The following SUGCT variants were observed in gnomAD, a reference collection of about 807,000 sequenced individuals.
SUGCT encodes succinyl-CoA:glutarate CoA-transferase.
SUGCT carries 41 observed loss-of-function variants against 55.0 expected under a neutral mutation model. The observed-to-expected ratio is 0.74, with a 90% CI of 0.58 to 0.97. The LOEUF (loss-of-function observed/expected upper bound fraction) is 0.97, where lower values mean the gene tolerates loss of function less well. SUGCT is among the 50% of genes least tolerant of loss of function. The pLI is 0.00. For synonymous variants in SUGCT, 187 were observed against 200.4 expected (o/e 0.93, Z 0.56); for missense variants, 568 against 547.8 (o/e 1.04, Z -0.37).
chr7:40,400,239 AT>A (rs1159719186), intron 9 of SUGCT, among the ~76,000 whole-genome samples: 1 of 152,010 alleles, frequency 6.6e-6, no homozygotes, highest in Non-Finnish European at 1.5e-5. Flanking sequence ...TGGTGAATTT[AT>A]TAGTCTATTT....
In SUGCT at chr7:40,406,112, C is replaced by T. The variant is rs868866973; in HGVS notation, c.817-43175C>T. ...GCAGGTGGCTAGGGAATGGGGGATG[C>T]TGATTGGTTGAGTGGGGGATAAAAT... is the stretch of plus-strand genomic sequence containing the variant. On this transcript the variant is annotated intron_variant, in intron 9 of 13. Transcript: ENST00000335693. Among the ~76,000 whole-genome samples the T allele has an allele frequency of 2.6e-5, 4 of 152,168 alleles. No individual in the cohort carries two copies. The South Asian group carries it at 6.2e-4, about 24-fold the overall frequency.
chr7:40,802,676 A>G (rs1205116639), intron 13 of SUGCT, among the ~76,000 whole-genome samples: 1 of 152,198 alleles, frequency 6.6e-6, no homozygotes, highest in Non-Finnish European at 1.5e-5. Context: ...TCACTTCAGC[A>G]GGCTCATTTA....
intron 12 of SUGCT, among the ~76,000 whole-genome samples, chr7:40,635,342 T>C (rs1444416076): frequency 1.3e-5 from 2 of 150,264 alleles, no homozygotes; most frequent in Non-Finnish European, 3.0e-5. Context: ...ATTGAGTCAA[T>C]TACATAAAAT....
Position 40,243,495 on chromosome 7 carries a change from G to A in SUGCT, c.576+5769G>A, listed in dbSNP as rs116622758. Reference sequence around the variant, plus strand: ...TGCAGATAATACATCAGATTGGAAGGTAAAGCATCTTTAATTTTCTTCTTG... The same window carrying A: ...TGCAGATAATACATCAGATTGGAAGATAAAGCATCTTTAATTTTCTTCTTG... On this transcript the variant is annotated intron_variant, in intron 7 of 13. Coordinates refer to ENST00000335693, the MANE Select transcript of SUGCT (RefSeq NM_001193313.2). Among the ~76,000 whole-genome samples, 1,147 of 152,208 alleles carry A rather than the reference G, an allele frequency of 7.5e-3. 16 individuals are homozygous for A. The highest frequency in any genetic ancestry group is 0.026 in the African/African-American group (1,084 of 41,550).
At chr7:40,189,270 A>T (rs544134746) in intron 4 of SUGCT, among the ~76,000 whole-genome samples, 7 of 152,174 alleles carry the variant, frequency 4.6e-5, no homozygotes, top group African/African-American at 1.7e-4. Context: ...TGAACCCGGG[A>T]GGCAGAGGTT....
At chr7:40,389,324 G>T (rs751072265) in intron 9 of SUGCT, among the ~76,000 whole-genome samples, 1 of 151,956 alleles carries the variant, frequency 6.6e-6, no homozygotes, top group Non-Finnish European at 1.5e-5. Context: ...TGGCAGACAT[G>T]TGTTGTAGTC....
chr7:41,026,980 C>T, the SUGCT span, among the ~76,000 whole-genome samples: 3 of 151,942 alleles, frequency 2.0e-5, no homozygotes, highest in Non-Finnish European at 4.4e-5. Context: ...TGCAGTGAGC[C>T]GAGATCATGC....
chr7:40,884,541 C>T, the SUGCT span, among the ~76,000 whole-genome samples: 1 of 152,208 alleles, frequency 6.6e-6, no homozygotes, highest in East Asian at 1.9e-4. Context: ...TAATATTTGG[C>T]CCGCCTGTTC....
At chr7:40,432,925 C>T (rs1247299374) in intron 9 of SUGCT, among the ~76,000 whole-genome samples, 5 of 151,896 alleles carry the variant, frequency 3.3e-5, no homozygotes, top group Admixed American at 6.6e-5. Flanking sequence ...TCTTTGTGAA[C>T]TTATATAATG....
intron 1 of SUGCT, among the ~76,000 whole-genome samples, chr7:40,155,154 GCA>G (rs1783821341): frequency 6.6e-6 from 1 of 151,964 alleles, no homozygotes; most frequent in Non-Finnish European, 1.5e-5. Flanking sequence ...GTGTAGTGGC[GCA>G]TGCCTGTAAT....
the SUGCT span, among the ~76,000 whole-genome samples, chr7:40,902,741 T>C: frequency 1.3e-5 from 2 of 152,228 alleles, no homozygotes; most frequent in Non-Finnish European, 2.9e-5. Context: ...AGGATTTGTA[T>C]GTCTCTCTCT....
At chr7:40,385,792 A>T (rs1261073194) in intron 9 of SUGCT, among the ~76,000 whole-genome samples, 1 of 152,158 alleles carries the variant, frequency 6.6e-6, no homozygotes, top group Non-Finnish European at 1.5e-5. Flanking sequence ...TTTTAAATGC[A>T]TATTGCTGTT....
chr7:40,191,537 C>T (rs1584300396), intron 5 of SUGCT, among the ~76,000 whole-genome samples: 1 of 152,194 alleles, frequency 6.6e-6, no homozygotes, highest in Non-Finnish European at 1.5e-5. Context: ...TCTTACCACT[C>T]TTTCTTCCCA....
At chr7:40,606,746 G>A (rs1163184299) in intron 12 of SUGCT, among the ~76,000 whole-genome samples, 1 of 152,034 alleles carries the variant, frequency 6.6e-6, no homozygotes, top group African/African-American at 2.4e-5. Flanking sequence ...GTCAACCAAC[G>A]TAAGCTTTTA....
At chr7:40,505,595 C>T (rs1334719582) in intron 12 of SUGCT, among the ~76,000 whole-genome samples, 1 of 151,984 alleles carries the variant, frequency 6.6e-6, no homozygotes, top group Non-Finnish European at 1.5e-5. Flanking sequence ...CAGTTTTGTA[C>T]TGATTTAATT....
chr7:40,885,022 T>A, the SUGCT span, among the ~76,000 whole-genome samples: 1 of 152,144 alleles, frequency 6.6e-6, no homozygotes, highest in Non-Finnish European at 1.5e-5. Context: ...AGATAATAAT[T>A]CCTGTTATAT....
chr7:40,384,849 C>T (rs1785035270), intron 9 of SUGCT, among the ~76,000 whole-genome samples: 1 of 152,042 alleles, frequency 6.6e-6, no homozygotes, highest in Non-Finnish European at 1.5e-5. Context: ...CCGGCTCCCT[C>T]AGTCATTCAT....
At chr7:40,864,010 T>C (rs995055324), downstream of SUGCT, among the ~76,000 whole-genome samples, 2 of 152,072 alleles carry the variant, frequency 1.3e-5, no homozygotes, top group Non-Finnish European at 2.9e-5. Context: ...AGTCTAAAAG[T>C]TTTCTCAGGC....
rs181380697 is a variant in SUGCT at position 40,808,591 on chromosome 7, C to A, written c.1154-51725C>A. On this transcript the variant is annotated intron_variant, in intron 13 of 13. Transcript: ENST00000335693. Reference sequence around the variant, plus strand: ...GTCCAAACCTAATAAGGAAGTCAGTCAGCTGTGGGTTGGGATAAGGAACTG... The same window carrying A: ...GTCCAAACCTAATAAGGAAGTCAGTAAGCTGTGGGTTGGGATAAGGAACTG... 4.8e-4 allele frequency among the ~76,000 whole-genome samples: 73 copies of A among 152,266 alleles called. No individual in the cohort carries two copies. In the East Asian group the frequency reaches 0.012, roughly 24 times the overall value.
Sources: allele counts gnomAD v4.1 joint callset (sites outside exome capture counted in the v4.1 genomes callset), GRCh38; gene constraint gnomAD v4.1.1; transcripts MANE v1.5; gene names NCBI Gene and HGNC (gene_info 2026-07-23, HGNC 2026-07-21).